Variants in PRPF40B observed in about 807,000 individuals in gnomAD.
The protein encoded by PRPF40B is pre-mRNA processing factor 40B, also known as pre-mRNA-processing factor 40 homolog B.
Under a neutral mutation model 124.5 loss-of-function variants are expected in PRPF40B, and 56 were observed. That is an observed-to-expected ratio of 0.45 (90% confidence interval 0.36 to 0.56). PRPF40B has a LOEUF of 0.56. Among genes scored for constraint, PRPF40B ranks in the 20% least tolerant of loss-of-function variants. The pLI is 0.00. For missense variants in PRPF40B, 1,053 were observed against 1,169.5 expected, an observed-to-expected ratio of 0.90 and a Z score of 1.45; for synonymous variants, 443 against 426.4, an observed-to-expected ratio of 1.04 and a Z score of -0.48.
chr12:49,644,584 C>G lies in PRPF40B; in HGVS notation c.*392C>G, dbSNP rs532071182. Reference sequence around the variant, plus strand: ...GCTCCTGCCTGCCCTGGCCCTGAGGCTCCACCACTTCTTCCTCCACCCAGG... The same window carrying G: ...GCTCCTGCCTGCCCTGGCCCTGAGGGTCCACCACTTCTTCCTCCACCCAGG... On this transcript the variant is annotated 3_prime_UTR_variant, in exon 26 of 26. Transcript: ENST00000548825. 11 of 238,704 alleles carry G rather than the reference C, an allele frequency of 4.6e-5. No homozygotes were observed. Among genetic ancestry groups the G allele is most frequent in the Admixed American group, 3.5e-4 (7 of 20,262 alleles). The allele number at this position is 238,704 out of a possible 1,614,324, so 14.8% of individuals were successfully genotyped here.
rs752106573 is a variant in PRPF40B at position 49,633,003 on chromosome 12, C to CG, written c.349-11_349-10insG. ...CCTTGACCACCATTCTGTGCCCCCCCCCCCACCCAGAGGGCCCTATGGAGT... is the reference window on the plus strand; with the variant it reads ...CCTTGACCACCATTCTGTGCCCCCCCGCCCCACCCAGAGGGCCCTATGGAGT... On this transcript the variant is annotated splice_polypyrimidine_tract_variant and intron_variant, in intron 6 of 25. Coordinates refer to ENST00000548825, the MANE Select transcript of PRPF40B (RefSeq NM_001031698.3). The CG allele has an allele frequency of 3.6e-6, 2 of 553,786 alleles. No individual in the cohort carries two copies. Among genetic ancestry groups the CG allele is most frequent in the Non-Finnish European group, 6.8e-6 (2 of 296,074 alleles). The allele number at this position is 553,786 out of a possible 1,614,324, so 34.3% of individuals were successfully genotyped here.
chr12:49,633,006 CCA>C lies in PRPF40B; in HGVS notation c.349-6_349-5del. The C allele has an allele frequency of 6.7e-6, 6 of 896,636 alleles. No homozygotes were observed. The highest frequency in any genetic ancestry group is 1.3e-5 in the South Asian group (1 of 74,918). The allele number at this position is 896,636 out of a possible 1,614,324, so 55.5% of individuals were successfully genotyped here. A position where few individuals can be genotyped will look rare whatever the true frequency, so the allele number is the denominator to read the frequency against. Reference sequence around the variant, plus strand: ...TGACCACCATTCTGTGCCCCCCCCCCCACCCAGAGGGCCCTATGGAGTGAGCA... The same window carrying C: ...TGACCACCATTCTGTGCCCCCCCCCCCCCAGAGGGCCCTATGGAGTGAGCA... On this transcript the variant is annotated splice_polypyrimidine_tract_variant and splice_region_variant and intron_variant, in intron 6 of 25. Coordinates refer to ENST00000548825, the MANE Select transcript of PRPF40B (RefSeq NM_001031698.3).
chr12:49,637,384 TC>T (rs1941974450), intron 16 of PRPF40B, 85 bp from the exon 17 acceptor site: 1 of 878,602 alleles, frequency 1.1e-6, no homozygotes, highest in Non-Finnish European at 1.8e-6. Flanking sequence ...CCCTGCCTCT[TC>T]CTCTGCCATT....
chr12:49,643,341 G>A lies in PRPF40B; in HGVS notation c.2324G>A (p.Ser775Asn). ...TCTTCCTCACTTGATTCAGTTGAAA[G>A]TGGGGGTGCTGCCCTTGGAGGACGG... is the stretch of plus-strand genomic sequence containing the variant. ...EPSSSLDSVESGGAALGGRGS... is the reference protein window; with the variant it reads ...EPSSSLDSVENGGAALGGRGS... The change falls in exon 23 of 26, where the codon AGT becomes AAT. Residue 775 changes from serine to asparagine, a missense_variant. This residue lies in a region of PRPF40B where 895 missense variants were observed against 1,052.2 expected (regional missense o/e 0.85). Transcript: ENST00000548825. The A allele has an allele frequency of 6.2e-7, 1 of 1,605,722 alleles. No homozygotes were observed. Among genetic ancestry groups the A allele is most frequent in the South Asian group, 1.1e-5 (1 of 89,964 alleles).
chr12:49,640,437 G>C (rs527632250), intron 18 of PRPF40B: 1 of 152,322 alleles, frequency 6.6e-6, no homozygotes, highest in South Asian at 2.1e-4. Context: ...CCTGGAGAGG[G>C]GAGTGTTGAA....
At chr12:49,633,727 G>A (rs934491985) in intron 9 of PRPF40B, 66 bp downstream of exon 9, 11 of 1,611,020 alleles carry the variant, frequency 6.8e-6, no homozygotes, top group African/African-American at 1.3e-5. Flanking sequence ...AGACTCTGTC[G>A]CCATGATCTC....
In PRPF40B at chr12:49,635,155, GGGAGAAGGA is replaced by G. The variant is rs1941638853; in HGVS notation, c.1072_1080del (p.Lys358_Glu360del). On this transcript the variant is annotated inframe_deletion, in exon 13 of 26. Coordinates refer to ENST00000548825, the MANE Select transcript of PRPF40B (RefSeq NM_001031698.3). The surrounding 1 kb of genome is among the most constrained non-coding windows in gnomAD (Gnocchi z 4.1). ...GCATTCAATGCCTACAAGGCGCAGCGGGAGAAGGAGGAGAAGGAGGAGGCCCGGCTAAGG... is the reference window on the plus strand; with the variant it reads ...GCATTCAATGCCTACAAGGCGCAGCGGGAGAAGGAGGAGGCCCGGCTAAGG... 3 of 1,614,056 alleles carry G rather than the reference GGGAGAAGGA, an allele frequency of 1.9e-6. No homozygotes were observed. The highest frequency in any genetic ancestry group is 2.5e-6 in the Non-Finnish European group (3 of 1,180,018).
chr12:49,640,573 A>G (rs150741015), intron 18 of PRPF40B: 1 of 151,094 alleles, frequency 6.6e-6, no homozygotes, highest in South Asian at 2.1e-4. Context: ...GGGGCAGCAC[A>G]TGTTTTAGAG....
In PRPF40B at chr12:49,637,529, G is replaced by A; in HGVS notation, c.1620G>A (p.Glu540=). 1 of 1,613,890 alleles carries A rather than the reference G, an allele frequency of 6.2e-7. No homozygotes were observed. Residue 540 remains glutamate, a synonymous_variant, in exon 17 of 26, where the codon GAG becomes GAA. Transcript: ENST00000548825. ...GQLHSMSTWM[E]LYPAVSTDVR... is the part of the protein sequence containing the mutation. ...TGCACTCTATGTCCACCTGGATGGA[G>A]CTATATCCAGCAGTCAGCACTGATG... is the stretch of plus-strand genomic sequence containing the variant.
Position 49,633,048 on chromosome 12 carries a change from G to A in PRPF40B, c.383G>A (p.Gly128Glu), listed in dbSNP as rs1941395519. 3.1e-6 allele frequency: 5 copies of A among 1,588,582 alleles called. No individual in the cohort carries two copies. Among genetic ancestry groups the A allele is most frequent in the South Asian group, 1.1e-5 (1 of 89,348 alleles). ...TGGAGTGAGCATGTGGCCCCAGATG[G>A]GCGCATCTACTACTACAATGCTGAC... ...ALWSEHVAPD[G>E]RIYYYNADDK... is the part of the protein sequence containing the mutation. Residue 128 changes from glycine (G) to glutamate (E), a missense_variant, in exon 7 of 26, where the codon GGG becomes GAG. Gly to Glu is a moderately conservative substitution (Grantham distance 98). Transcript: ENST00000548825.
At position 49,642,285 on chromosome 12, in the gene PRPF40B, A is replaced by G. The variant is rs374754162; in HGVS notation, c.1935A>G (p.Ala645=). Residue 645 remains alanine (A), a synonymous_variant, in exon 20 of 26, where the codon GCA becomes GCG. Transcript: ENST00000548825. The surrounding 1 kb of genome is among the most constrained non-coding windows in gnomAD (Gnocchi z 5.8). ...AREREREKEE[A]RRMRRREAAF... is the part of the protein sequence containing the mutation. ...AGAGGGAGCGGGAGAAGGAGGAGGCACGCAGGATGCGGCGCAGGGAAGCTG... is the reference window on the plus strand; with the variant it reads ...AGAGGGAGCGGGAGAAGGAGGAGGCGCGCAGGATGCGGCGCAGGGAAGCTG... 3 of 1,614,212 alleles carry G rather than the reference A, an allele frequency of 1.9e-6. No homozygotes were observed.
intron 16 of PRPF40B, 40 bp from the exon 17 acceptor site, chr12:49,637,430 C>T: frequency 7.0e-7 from 1 of 1,435,220 alleles, no homozygotes; most frequent in Non-Finnish European, 9.8e-7. Flanking sequence ...GCTCTGCCTC[C>T]CTGTCTCACT....
chr12:49,631,927 T>C lies in PRPF40B; in HGVS notation c.294+2T>C. ...CCAGCGGTGCCTGTCACCGCAGCGG[T>C]AAGCACTAGGGGCCAGCAGGTAGCA... On this transcript the variant is annotated splice_donor_variant, in intron 4 of 25. Coordinates refer to ENST00000548825, the MANE Select transcript of PRPF40B (RefSeq NM_001031698.3). LOFTEE classifies it high-confidence loss of function. This position sits in a 1 kb window ranked among gnomAD's most constrained non-coding sequence, Gnocchi z 4.3. The C allele has an allele frequency of 1.2e-6, 2 of 1,614,052 alleles. No individual in the cohort carries two copies. Among genetic ancestry groups the C allele is most frequent in the Non-Finnish European group, 1.7e-6 (2 of 1,179,920 alleles).
Position 49,632,995 on chromosome 12 carries a change from T to TGGGGGGGGGGGC in PRPF40B, c.349-18_349-17insGGGGGGGGGGCG. 7.3e-6 allele frequency: 10 copies of TGGGGGGGGGGGC among 1,365,420 alleles called. No homozygotes were observed. Among genetic ancestry groups the TGGGGGGGGGGGC allele is most frequent in the Non-Finnish European group, 1.0e-5 (10 of 979,242 alleles). 84.6% of individuals were successfully genotyped at this position (1,365,420 alleles called of 1,614,324 possible). A position where few individuals can be genotyped will look rare whatever the true frequency, so the allele number is the denominator to read the frequency against. On this transcript the variant is annotated intron_variant, in intron 6 of 25. Coordinates refer to ENST00000548825, the MANE Select transcript of PRPF40B (RefSeq NM_001031698.3). ...AAAAGGGGCCTTGACCACCATTCTG[T>TGGGGGGGGGGGC]GCCCCCCCCCCCACCCAGAGGGCCC...
chr12:49,634,058 G>A lies in PRPF40B; in HGVS notation c.778G>A (p.Gly260Arg). The A allele has an allele frequency of 6.2e-7, 1 of 1,613,510 alleles. No homozygotes were observed. The highest frequency in any genetic ancestry group is 8.5e-7 in the Non-Finnish European group (1 of 1,179,902). The change falls in exon 10 of 26, where the codon GGG becomes AGG. Residue 260 changes from glycine (G) to arginine (R), a missense_variant. Physicochemically the swap from Gly to Arg is moderately radical, Grantham distance 125. Transcript: ENST00000548825. ...VLEATQPLEQGFLQQLEEGPS... is the reference protein window; with the variant it reads ...VLEATQPLEQRFLQQLEEGPS... The stretch of plus-strand genomic sequence containing the variant: ...GGAGGCCACCCAGCCCCTGGAACAG[G>A]GGTTCCTGCAGCAGCTGGAGGAGGG...
intron 18 of PRPF40B, chr12:49,639,234 C>T (rs1453936691): frequency 1.3e-5 from 2 of 152,122 alleles, no homozygotes; most frequent in Non-Finnish European, 2.9e-5. Flanking sequence ...GGTGGTGGTG[C>T]TAGGTAGAGC....
In PRPF40B at chr12:49,637,460, C is replaced by T; in HGVS notation, c.1561-10C>T. The T allele has an allele frequency of 6.2e-7, 1 of 1,607,418 alleles. No individual in the cohort carries two copies. The highest frequency in any genetic ancestry group is 2.2e-5 in the East Asian group (1 of 44,846). Reference sequence around the variant, plus strand: ...CTCACTCTCCCTATAACTGGCCTCTCCCTGCTCAGACCTTCCTGGACGAGC... The same window carrying T: ...CTCACTCTCCCTATAACTGGCCTCTTCCTGCTCAGACCTTCCTGGACGAGC... On this transcript the variant is annotated splice_polypyrimidine_tract_variant and intron_variant, in intron 16 of 25. Coordinates refer to ENST00000548825, the MANE Select transcript of PRPF40B (RefSeq NM_001031698.3).
chr12:49,634,651 C>T, intron 12 of PRPF40B, 49 bp downstream of exon 12: 1 of 1,608,274 alleles, frequency 6.2e-7, no homozygotes, highest in Non-Finnish European at 8.5e-7. Context: ...AGCAGCTGTG[C>T]TAGGGACTCC....
Position 49,631,433 on chromosome 12 carries a change from T to A in PRPF40B, c.117T>A (p.Pro39=), listed in dbSNP as rs768935482. The A allele has an allele frequency of 7.6e-7, 1 of 1,309,334 alleles. No individual in the cohort carries two copies. The highest frequency in any genetic ancestry group is 1.0e-6 in the Non-Finnish European group (1 of 992,616). The allele number at this position is 1,309,334 out of a possible 1,614,324, so 81.1% of individuals were successfully genotyped here. A position where few individuals can be genotyped will look rare whatever the true frequency, so the allele number is the denominator to read the frequency against. ...MPPPGIPPPF[P]PMGLPPMSQR... ...CTCCAGGGATCCCCCCACCCTTTCC[T>A]CCGATGGGGCTACCCCCCATGAGTC... The change falls in exon 3 of 26, where the codon CCT becomes CCA. Residue 39 remains proline, a synonymous_variant. Coordinates refer to ENST00000548825, the MANE Select transcript of PRPF40B (RefSeq NM_001031698.3). This position sits in a 1 kb window ranked among gnomAD's most constrained non-coding sequence, Gnocchi z 4.3.
Sources: gnomAD v4.1 joint callset for allele counts on GRCh38, gnomAD v4.1.1 for gene constraint, gnomAD v4.1.1 regional missense constraint, Gnocchi (gnomAD v3.1) non-coding constraint, MANE v1.5 for transcripts, NCBI Gene and HGNC (gene_info 2026-07-23, HGNC 2026-07-21) for gene names.